Variants in KCNK1 observed in about 807,000 individuals in gnomAD.
KCNK1 encodes the protein potassium two pore domain channel subfamily K member 1, also known as potassium channel subfamily K member 1.
Under a neutral mutation model 22.2 loss-of-function variants are expected in KCNK1, and 10 were observed. The ratio of observed to expected loss-of-function variants is 0.45; its 90% CI spans 0.28 to 0.76. The LOEUF (loss-of-function observed/expected upper bound fraction) is 0.76, where lower values mean the gene tolerates loss of function less well. KCNK1 is among the 30% of genes least tolerant of loss of function. The probability of loss-of-function intolerance (pLI) is 0.14; values close to 1 mark genes in which losing one functional copy is unlikely to be tolerated. For missense variants in KCNK1, 378 were observed against 421.0 expected, an observed-to-expected ratio of 0.90 and a Z score of 0.89; for synonymous variants, 200 against 186.4, an observed-to-expected ratio of 1.07 and a Z score of -0.60.
chr1:233,660,447 G>C (rs920063624), intron 1 of KCNK1: 1 of 152,134 alleles, frequency 6.6e-6, no homozygotes, highest in Non-Finnish European at 1.5e-5. Flanking sequence ...AATTTGTTAT[G>C]TTTCATGTTT....
intron 1 of KCNK1, among the ~76,000 whole-genome samples, chr1:233,663,662 A>G (rs949758220): frequency 1.3e-5 from 2 of 152,214 alleles, no homozygotes; most frequent in East Asian, 1.9e-4. Context: ...GTGGAGTCCA[A>G]CTGACTCAGC....
At chr1:233,634,318 C>CA (rs57277108) in intron 1 of KCNK1, among the ~76,000 whole-genome samples, 1,612 of 140,476 alleles carry the variant, frequency 0.011, 19 homozygotes, top group African/African-American at 0.039. Flanking sequence ...ACAACAACAA[C>CA]AAAAAAAAAA....
chr1:233,615,959 G>A (rs1011883735), intron 1 of KCNK1, among the ~76,000 whole-genome samples: 1 of 152,172 alleles, frequency 6.6e-6, no homozygotes, highest in African/African-American at 2.4e-5. Flanking sequence ...ACTGTTAAAT[G>A]TAGCGCTAGA....
chr1:233,646,644 G>T, intron 1 of KCNK1, among the ~76,000 whole-genome samples: 1 of 152,082 alleles, frequency 6.6e-6, no homozygotes, highest in East Asian at 1.9e-4. Context: ...GAGTCCTGGA[G>T]GGTTCTAATG....
intron 1 of KCNK1, among the ~76,000 whole-genome samples, chr1:233,622,517 T>A (rs1326309582): frequency 6.6e-6 from 1 of 152,202 alleles, no homozygotes; most frequent in Non-Finnish European, 1.5e-5. Flanking sequence ...CTAGACTCAG[T>A]CTGTACTCTG....
chr1:233,651,797 C>A (rs1006017030), intron 1 of KCNK1, among the ~76,000 whole-genome samples: 2 of 152,170 alleles, frequency 1.3e-5, no homozygotes, highest in Non-Finnish European at 2.9e-5. Context: ...AAATGCATGG[C>A]AGCAGGAGCT....
intron 1 of KCNK1, chr1:233,630,667 G>A (rs1009320138): frequency 6.6e-6 from 1 of 152,334 alleles, no homozygotes; most frequent in African/African-American, 2.4e-5. Flanking sequence ...CACTTGCGAA[G>A]TCTTCTTTTC....
rs184858209 is a variant in KCNK1, at chr1:233,658,164, C to G, written c.356-8431C>G. On this transcript the variant is annotated intron_variant, in intron 1 of 2. Transcript: ENST00000366621. The stretch of plus-strand genomic sequence containing the variant: ...TTCTCAAGCTAAGAAAGGTTCAACA[C>G]ATTTCAAAGTTAAATTGTAAACAGT... Among the ~76,000 whole-genome samples, 465 of 152,194 alleles carry G rather than the reference C, an allele frequency of 3.1e-3. 3 individuals carry two copies. Among genetic ancestry groups the G allele is most frequent in the Non-Finnish European group, 4.5e-3 (304 of 67,992 alleles).
intron 1 of KCNK1, among the ~76,000 whole-genome samples, chr1:233,666,228 C>T (rs767361436): frequency 1.5e-4 from 23 of 152,044 alleles, no homozygotes; most frequent in Non-Finnish European, 2.9e-4. Context: ...ATAGACTGGC[C>T]CTGGTGAAGT....
intron 1 of KCNK1, among the ~76,000 whole-genome samples, chr1:233,658,295 T>A (rs1658334680): frequency 6.6e-6 from 1 of 152,176 alleles, no homozygotes; most frequent in Non-Finnish European, 1.5e-5. Flanking sequence ...ATATGTGTTT[T>A]TAAATCATAG....
intron 1 of KCNK1, chr1:233,624,238 G>A (rs1360847400): frequency 6.5e-6 from 1 of 153,026 alleles, no homozygotes; most frequent in Non-Finnish European, 1.5e-5. Context: ...TATGCACTGA[G>A]GAGGGAGGCG....
At chr1:233,664,699 G>A (rs922909892) in intron 1 of KCNK1, among the ~76,000 whole-genome samples, 14 of 152,318 alleles carry the variant, frequency 9.2e-5, no homozygotes, top group Non-Finnish European at 1.9e-4. Context: ...TGGTGAGGCC[G>A]TACATGGGAA....
intron 1 of KCNK1, among the ~76,000 whole-genome samples, chr1:233,628,871 C>G (rs566860333): frequency 2.0e-5 from 3 of 152,020 alleles, no homozygotes; most frequent in Non-Finnish European, 4.4e-5. Context: ...TACTGAATGA[C>G]CTTACATAGA....
chr1:233,663,037 G>C (rs902698084), intron 1 of KCNK1, among the ~76,000 whole-genome samples: 2 of 152,128 alleles, frequency 1.3e-5, no homozygotes, highest in Non-Finnish European at 1.5e-5. Context: ...AATTATTCAC[G>C]ACTTCATTAA....
chr1:233,665,309 G>T (rs563856196), intron 1 of KCNK1, among the ~76,000 whole-genome samples: 29 of 152,166 alleles, frequency 1.9e-4, no homozygotes, highest in Non-Finnish European at 3.7e-4. Flanking sequence ...ATGCACATTT[G>T]TGCCTTTCCA....
chr1:233,658,660 G>A (rs929382235), intron 1 of KCNK1, among the ~76,000 whole-genome samples: 3 of 152,210 alleles, frequency 2.0e-5, no homozygotes, highest in African/African-American at 7.2e-5. Flanking sequence ...AGTGTACAAA[G>A]CTGAATGCTA....
chr1:233,669,791 G>C (rs1185329147), intron 2 of KCNK1, among the ~76,000 whole-genome samples: 2 of 152,094 alleles, frequency 1.3e-5, no homozygotes, highest in African/African-American at 4.8e-5. Flanking sequence ...ATGAGGCTCT[G>C]TCTCAAAAAA....
At chr1:233,628,944 C>A (rs1657742125) in intron 1 of KCNK1, among the ~76,000 whole-genome samples, 2 of 152,066 alleles carry the variant, frequency 1.3e-5, no homozygotes, top group Non-Finnish European at 2.9e-5. Context: ...GGCCTGGGTT[C>A]TCTTCAGACA....
chr1:233,661,183 C>T (rs1558118993), intron 1 of KCNK1, among the ~76,000 whole-genome samples: 1 of 152,146 alleles, frequency 6.6e-6, no homozygotes, highest in Non-Finnish European at 1.5e-5. Context: ...GATGAGTTCC[C>T]CTTGCCTAAG....
Sources: allele counts gnomAD v4.1 joint callset (sites outside exome capture counted in the v4.1 genomes callset), GRCh38; gene constraint gnomAD v4.1.1; transcripts MANE v1.5; gene names NCBI Gene and HGNC (gene_info 2026-07-23, HGNC 2026-07-21).